KIAA0319L: variants seen among roughly 807,000 people sequenced by gnomAD.
The protein encoded by KIAA0319L is dyslexia-associated protein KIAA0319-like protein.
In KIAA0319L, 55 loss-of-function variants were observed where a neutral mutation model predicts 120.1. That is an observed-to-expected ratio of 0.46 (90% CI 0.37 to 0.57). The LOEUF (loss-of-function observed/expected upper bound fraction) is 0.57, where lower values mean the gene tolerates loss of function less well. Among genes scored for constraint, KIAA0319L ranks in the 20% least tolerant of loss-of-function variants. The probability of loss-of-function intolerance (pLI) is 0.00; values close to 1 mark genes in which losing one functional copy is unlikely to be tolerated. For synonymous variants in KIAA0319L, 398 were observed against 471.9 expected, an observed-to-expected ratio of 0.84 and a Z score of 2.03; for missense variants, 1,049 against 1,255.3, an observed-to-expected ratio of 0.84 and a Z score of 2.48.
At chr1:35,462,857 A>T (rs1326361847) in intron 7 of KIAA0319L, 144 bp from the exon 8 acceptor site, 2 of 647,210 alleles carry the variant, frequency 3.1e-6, no homozygotes, top group African/African-American at 3.7e-5. Flanking sequence ...TTTGTGGAAG[A>T]CAATTTTTCC....
chr1:35,502,664 C>A (rs913698222), intron 3 of KIAA0319L, among the ~76,000 whole-genome samples: 1 of 152,202 alleles, frequency 6.6e-6, no homozygotes, highest in Non-Finnish European at 1.5e-5. Flanking sequence ...ATATTACATA[C>A]TCTGACCACC....
At chr1:35,532,813 T>C (rs1209381182) in intron 2 of KIAA0319L, among the ~76,000 whole-genome samples, 3 of 152,212 alleles carry the variant, frequency 2.0e-5, no homozygotes, top group Non-Finnish European at 4.4e-5. Context: ...AATGCACTGT[T>C]GGTAGGAGCA....
chr1:35,502,276 G>GAAA (rs1213650955), intron 3 of KIAA0319L, among the ~76,000 whole-genome samples: 1 of 86,872 alleles, frequency 1.2e-5, no homozygotes, highest in Non-Finnish European at 2.4e-5. Context: ...TCTGTCTCAA[G>GAAA]AAAAAAAAAA....
intron 2 of KIAA0319L, among the ~76,000 whole-genome samples, chr1:35,520,404 T>C (rs978598588): frequency 1.3e-5 from 2 of 151,940 alleles, no homozygotes; most frequent in African/African-American, 4.8e-5. Context: ...GGCCTCTTTT[T>C]TTTCTTTAAG....
At chr1:35,490,766 G>T (rs901550417) in intron 3 of KIAA0319L, among the ~76,000 whole-genome samples, 2 of 152,200 alleles carry the variant, frequency 1.3e-5, no homozygotes, top group Non-Finnish European at 2.9e-5. Flanking sequence ...ATGTTGAATT[G>T]TAATTTCCAA....
At position 35,506,157 on chromosome 1, in the gene KIAA0319L, T is replaced by C. The variant is rs1010151695; in HGVS notation, c.666+455A>G. 1.3e-5 allele frequency among the ~76,000 whole-genome samples: 2 copies of C among 152,216 alleles called. No homozygotes were observed. Among genetic ancestry groups the C allele is most frequent in the African/African-American group, 4.8e-5 (2 of 41,452 alleles). ...CTGCTCCACAGCCCAGCAGGTCAGA[T>C]CTTAATCTGTAGTACCAAGCATGGT... On this transcript the variant is annotated intron_variant, in intron 3 of 20. Coordinates refer to ENST00000325722, the MANE Select transcript of KIAA0319L (RefSeq NM_024874.5). The surrounding 1 kb of genome is among the most constrained non-coding windows in gnomAD (Gnocchi z 4.0).
At chr1:35,455,573 A>ATTTTTTTTT (rs551358599) in intron 10 of KIAA0319L, among the ~76,000 whole-genome samples, 3 of 93,468 alleles carry the variant, frequency 3.2e-5, no homozygotes, top group Admixed American at 1.3e-4. Context: ...ATTTAAGATA[A>ATTTTTTTTT]TTTTTTTTTT....
chr1:35,484,581 T>C (rs1295556064), intron 3 of KIAA0319L, among the ~76,000 whole-genome samples: 1 of 152,052 alleles, frequency 6.6e-6, no homozygotes, highest in African/African-American at 2.4e-5. Flanking sequence ...CAATCATCTG[T>C]GAATAAAGGC....
At chr1:35,479,233 A>T in intron 3 of KIAA0319L, 21 bp from the exon 4 acceptor site, 1 of 1,596,568 alleles carries the variant, frequency 6.3e-7, no homozygotes, top group Non-Finnish European at 8.6e-7. Flanking sequence ...AAAAAAACTA[A>T]TTTGAGTAGG....
Position 35,506,081 on chromosome 1 carries a change from T to C in KIAA0319L, c.666+531A>G, listed in dbSNP as rs1438514437. ...TACTGGTGGTATCTCCCTTGGCATA[T>C]ACAGCTTGGTGAGAATTCACTCCAG... On this transcript the variant is annotated intron_variant, in intron 3 of 20. Coordinates refer to ENST00000325722, the MANE Select transcript of KIAA0319L (RefSeq NM_024874.5). This position sits in a 1 kb window ranked among gnomAD's most constrained non-coding sequence, Gnocchi z 4.0. 1.3e-5 allele frequency among the ~76,000 whole-genome samples: 2 copies of C among 152,350 alleles called. No individual in the cohort carries two copies. Among genetic ancestry groups the C allele is most frequent in the South Asian group, 4.1e-4 (2 of 4,826 alleles).
chr1:35,489,569 C>T (rs905786381), intron 3 of KIAA0319L, among the ~76,000 whole-genome samples: 2 of 151,976 alleles, frequency 1.3e-5, no homozygotes, highest in Non-Finnish European at 2.9e-5. Flanking sequence ...TGAAGGAGAC[C>T]CCCTTAAGTA....
At chr1:35,526,357 GTATA>G (rs1214425726) in intron 2 of KIAA0319L, among the ~76,000 whole-genome samples, 5 of 137,646 alleles carry the variant, frequency 3.6e-5, no homozygotes, top group Admixed American at 1.5e-4. Context: ...GTGTGTGTGT[GTATA>G]TATATACATA....
At chr1:35,498,016 G>A (rs1324205877) in intron 3 of KIAA0319L, among the ~76,000 whole-genome samples, 1 of 152,170 alleles carries the variant, frequency 6.6e-6, no homozygotes, top group East Asian at 1.9e-4. Flanking sequence ...CAGGAGACAT[G>A]GAACAAATTA....
At chr1:35,455,838 CA>C (rs1018772523) in intron 10 of KIAA0319L, among the ~76,000 whole-genome samples, 174 bp downstream of exon 10, 32 of 152,222 alleles carry the variant, frequency 2.1e-4, no homozygotes, top group African/African-American at 7.5e-4. Context: ...CTCAGCTTCC[CA>C]AAGTGCTGGG....
intron 17 of KIAA0319L, chr1:35,443,366 G>T: frequency 4.8e-6 from 1 of 206,992 alleles, no homozygotes; most frequent in South Asian, 9.7e-5. Flanking sequence ...TATATTAAAC[G>T]TTTTTGAAAT....
At chr1:35,511,664 T>C (rs1484399237) in intron 2 of KIAA0319L, among the ~76,000 whole-genome samples, 2 of 152,202 alleles carry the variant, frequency 1.3e-5, no homozygotes, top group Admixed American at 6.6e-5. Flanking sequence ...CTTCTGACCA[T>C]CAAAGAGGAG....
intron 2 of KIAA0319L, among the ~76,000 whole-genome samples, chr1:35,548,492 C>T (rs1647070661): frequency 6.6e-6 from 1 of 152,000 alleles, no homozygotes; most frequent in African/African-American, 2.4e-5. Flanking sequence ...AGACAAATCC[C>T]TCGGGCATGA....
chr1:35,525,597 T>C (rs1332832035), intron 2 of KIAA0319L, among the ~76,000 whole-genome samples: 1 of 152,182 alleles, frequency 6.6e-6, no homozygotes, highest in Non-Finnish European at 1.5e-5. Flanking sequence ...TCCCTAATAA[T>C]TAGTGATGTT....
chr1:35,456,050 A>G lies in KIAA0319L; in HGVS notation c.1619T>C (p.Leu540Pro). ...CACTTTCCCTTTGCTGCTTGGGCTG[A>G]GTGACCACTCATAGCTGGTGATGCC... ...DHGITSYEWS[L>P]SPSSKGKVVE... Residue 540 changes from leucine to proline, a missense_variant, in exon 10 of 21, where the codon CTC (leucine) becomes CCC (proline). By Grantham distance (98) the Leu-to-Pro change is moderately conservative. Coordinates refer to ENST00000325722, the MANE Select transcript of KIAA0319L (RefSeq NM_024874.5). The G allele has an allele frequency of 6.2e-7, 1 of 1,613,898 alleles. No individual in the cohort carries two copies. Among genetic ancestry groups the G allele is most frequent in the Non-Finnish European group, 8.5e-7 (1 of 1,179,894 alleles).
Sources: gnomAD v4.1 joint callset for allele counts (sites outside exome capture counted in the v4.1 genomes callset) on GRCh38, gnomAD v4.1.1 for gene constraint, Gnocchi (gnomAD v3.1) non-coding constraint, MANE v1.5 for transcripts, NCBI Gene and HGNC (gene_info 2026-07-23, HGNC 2026-07-21) for gene names.